SLX4IP: variants seen among roughly 807,000 people sequenced by gnomAD.
SLX4IP encodes the protein SLX4 interacting protein, also known as protein SLX4IP.
Under a neutral mutation model 32.9 loss-of-function variants are expected in SLX4IP, and 34 were observed. The ratio of observed to expected loss-of-function variants is 1.03; its 90% CI spans 0.79 to 1.38. The LOEUF is 1.38. Among genes scored for constraint, SLX4IP ranks in the 40% most tolerant of loss-of-function variants. SLX4IP has a pLI of 0.00. For synonymous variants in SLX4IP, 172 were observed against 171.7 expected (o/e 1.00, Z -0.01); for missense variants, 444 against 479.0 (o/e 0.93, Z 0.68).
chr20:10,568,539 C>A (rs1369013729), intron 4 of SLX4IP, among the ~76,000 whole-genome samples: 2 of 152,338 alleles, frequency 1.3e-5, no homozygotes, highest in East Asian at 3.9e-4. Flanking sequence ...CTGTAAGACT[C>A]ATCTGTGTTC....
intron 2 of SLX4IP, among the ~76,000 whole-genome samples, chr20:10,466,081 T>G (rs540067160): frequency 8.1e-4 from 124 of 152,314 alleles, no homozygotes; most frequent in African/African-American, 2.8e-3. Context: ...TAGTCATGAA[T>G]GTTTATCCAT....
At chr20:10,608,114 T>G (rs535780211) in intron 6 of SLX4IP, among the ~76,000 whole-genome samples, 2 of 152,340 alleles carry the variant, frequency 1.3e-5, no homozygotes, top group South Asian at 4.1e-4. Context: ...GCCCGTGATC[T>G]CCATTGATGA....
intron 4 of SLX4IP, among the ~76,000 whole-genome samples, chr20:10,569,210 A>G (rs1414633897): frequency 7.3e-6 from 1 of 136,460 alleles, no homozygotes; most frequent in Non-Finnish European, 1.5e-5. Flanking sequence ...TTTGAGACTG[A>G]GTTTCACTCT....
intron 2 of SLX4IP, among the ~76,000 whole-genome samples, chr20:10,483,440 A>C (rs2065543128): frequency 6.6e-6 from 1 of 152,180 alleles, no homozygotes; most frequent in Admixed American, 6.5e-5. Flanking sequence ...TAATTTTGTA[A>C]TTAGTATGGG....
At chr20:10,599,295 A>G (rs1255849896) in intron 5 of SLX4IP, among the ~76,000 whole-genome samples, 2 of 152,216 alleles carry the variant, frequency 1.3e-5, no homozygotes, top group African/African-American at 4.8e-5. Flanking sequence ...CCTTCCATGG[A>G]CAATTTCAGT....
intron 3 of SLX4IP, among the ~76,000 whole-genome samples, chr20:10,559,758 G>A (rs893818943): frequency 6.6e-6 from 1 of 152,220 alleles, no homozygotes; most frequent in South Asian, 2.1e-4. Flanking sequence ...TAGTGATAAG[G>A]AATACTGAAA....
At chr20:10,527,068 A>G (rs190529649) in intron 2 of SLX4IP, among the ~76,000 whole-genome samples, 2 of 152,340 alleles carry the variant, frequency 1.3e-5, no homozygotes, top group South Asian at 2.1e-4. Flanking sequence ...ATCAAAAGAT[A>G]TATCATCTTC....
At chr20:10,496,257 G>A (rs1018898890) in intron 2 of SLX4IP, among the ~76,000 whole-genome samples, 5 of 152,114 alleles carry the variant, frequency 3.3e-5, no homozygotes, top group East Asian at 1.9e-4. Context: ...TCCATCACCC[G>A]AGCATTGATC....
intron 1 of SLX4IP, among the ~76,000 whole-genome samples, chr20:10,455,821 G>C (rs898885278): frequency 2.0e-5 from 3 of 152,118 alleles, no homozygotes; most frequent in African/African-American, 7.2e-5. Flanking sequence ...ATGTTGGCCA[G>C]GGTTGTCTCG....
chr20:10,594,435 T>C (rs2066746548), intron 4 of SLX4IP, among the ~76,000 whole-genome samples: 1 of 152,168 alleles, frequency 6.6e-6, no homozygotes, highest in Non-Finnish European at 1.5e-5. Context: ...CGTCCATGAA[T>C]GGTCTCGTAA....
intron 4 of SLX4IP, among the ~76,000 whole-genome samples, chr20:10,564,952 G>T (rs561892069): frequency 1.3e-5 from 2 of 152,154 alleles, no homozygotes; most frequent in African/African-American, 2.4e-5. Context: ...TGTGCTTTTT[G>T]ATTTTTATTT....
chr20:10,568,408 T>C (rs943732128), intron 4 of SLX4IP, among the ~76,000 whole-genome samples: 2 of 152,200 alleles, frequency 1.3e-5, no homozygotes, highest in African/African-American at 4.8e-5. Flanking sequence ...TTCACTGAGA[T>C]AGAAAAAAAC....
intron 1 of SLX4IP, among the ~76,000 whole-genome samples, chr20:10,452,037 A>G (rs1385066237): frequency 2.0e-5 from 3 of 152,200 alleles, no homozygotes; most frequent in African/African-American, 7.2e-5. Flanking sequence ...TTTTTTAAAA[A>G]TGCAACTACT....
At chr20:10,619,424 C>G (rs965159501) in intron 6 of SLX4IP, among the ~76,000 whole-genome samples, 1 of 151,994 alleles carries the variant, frequency 6.6e-6, no homozygotes, top group Non-Finnish European at 1.5e-5. Context: ...GCATAGTGCT[C>G]TTTAAACTGA....
intron 2 of SLX4IP, among the ~76,000 whole-genome samples, chr20:10,472,391 C>T (rs910876996): frequency 3.3e-5 from 5 of 152,106 alleles, no homozygotes; most frequent in Middle Eastern, 3.4e-3. Flanking sequence ...CCACCACGCC[C>T]GGCTAATTTT....
intron 2 of SLX4IP, among the ~76,000 whole-genome samples, chr20:10,460,547 TGCATG>T (rs1220735011): frequency 6.6e-6 from 1 of 152,210 alleles, no homozygotes; most frequent in Non-Finnish European, 1.5e-5. Context: ...GTGCCTGTTC[TGCATG>T]GCTTGGGCAT....
chr20:10,619,420 T>A (rs2067081604), intron 6 of SLX4IP, among the ~76,000 whole-genome samples: 1 of 152,190 alleles, frequency 6.6e-6, no homozygotes, highest in East Asian at 1.9e-4. Flanking sequence ...AAATGCATAG[T>A]GCTCTTTAAA....
intron 2 of SLX4IP, among the ~76,000 whole-genome samples, chr20:10,462,359 G>GA (rs1425956039): frequency 3.9e-5 from 6 of 152,176 alleles, no homozygotes; most frequent in African/African-American, 1.4e-4. Context: ...TAAAGTCAAT[G>GA]AAAAAGAGTT....
chr20:10,627,112 G>A lies in SLX4IP; in HGVS notation c.*3733G>A, dbSNP rs1453068991. On this transcript the variant is annotated 3_prime_UTR_variant, in exon 8 of 8. Coordinates refer to ENST00000334534, the MANE Select transcript of SLX4IP (RefSeq NM_001009608.3). ...GAATTCCTTCTTGGCAGACCTTACT[G>A]TAATATTACACAAAACTGTAATGAG... 1 of 152,200 alleles carries A rather than the reference G, an allele frequency of 6.6e-6. No individual in the cohort carries two copies. Among genetic ancestry groups the A allele is most frequent in the Non-Finnish European group, 1.5e-5 (1 of 68,036 alleles). 9.4% of individuals were successfully genotyped at this position (152,200 alleles called of 1,614,324 possible).
Sources: allele counts gnomAD v4.1 joint callset (sites outside exome capture counted in the v4.1 genomes callset), GRCh38; gene constraint gnomAD v4.1.1; transcripts MANE v1.5; gene names NCBI Gene and HGNC (gene_info 2026-07-23, HGNC 2026-07-21).